Variants in SYN3 observed in about 807,000 individuals in gnomAD.
SYN3 encodes the protein synapsin-3.
In SYN3, 35 loss-of-function variants were observed where a neutral mutation model predicts 65.8. The observed-to-expected ratio is 0.53, with a 90% CI of 0.41 to 0.70. The LOEUF is 0.70. Ranked by LOEUF, SYN3 falls within the 30% of genes least tolerant of loss-of-function variation. SYN3 has a pLI of 0.00. For synonymous variants in SYN3, 270 were observed against 292.9 expected, an observed-to-expected ratio of 0.92 and a Z score of 0.80; for missense variants, 680 against 749.0, an observed-to-expected ratio of 0.91 and a Z score of 1.08.
At chr22:32,544,874 C>G (rs2058313530) in intron 7 of SYN3, among the ~76,000 whole-genome samples, 1 of 152,192 alleles carries the variant, frequency 6.6e-6, no homozygotes, top group Non-Finnish European at 1.5e-5. Flanking sequence ...GCCCTGAGCA[C>G]AGAGTGGGCT....
chr22:32,607,558 C>T (rs1168884631), intron 6 of SYN3, among the ~76,000 whole-genome samples: 1 of 152,102 alleles, frequency 6.6e-6, no homozygotes, highest in Non-Finnish European at 1.5e-5. Flanking sequence ...AGCTCTCTGG[C>T]CTTCTAATCC....
chr22:32,751,045 T>A (rs1027218566), intron 6 of SYN3, among the ~76,000 whole-genome samples: 1 of 151,658 alleles, frequency 6.6e-6, no homozygotes, highest in African/African-American at 2.4e-5. Flanking sequence ...GGAATGAAGG[T>A]GTGTGTGCAG....
At chr22:32,524,590 A>G (rs962134924) in intron 12 of SYN3, among the ~76,000 whole-genome samples, 26 of 152,260 alleles carry the variant, frequency 1.7e-4, no homozygotes, top group African/African-American at 6.0e-4. Context: ...TTGACAATGC[A>G]TCTATCCACA....
chr22:32,887,702 C>T (rs538476488), intron 4 of SYN3, among the ~76,000 whole-genome samples: 6 of 152,322 alleles, frequency 3.9e-5, no homozygotes, highest in East Asian at 1.9e-4. Context: ...CTTTTATCCC[C>T]AAGAAGCATT....
At chr22:32,656,170 C>T (rs1484987900) in intron 6 of SYN3, among the ~76,000 whole-genome samples, 1 of 152,210 alleles carries the variant, frequency 6.6e-6, no homozygotes, top group Non-Finnish European at 1.5e-5. Context: ...GTATATCCTT[C>T]CATTCTGCAA....
chr22:32,664,584 CTTTTTTTT>C (rs71320943), intron 6 of SYN3, among the ~76,000 whole-genome samples: 11,074 of 68,984 alleles, frequency 0.16, 816 homozygotes, highest in East Asian at 0.6. Context: ...CAATTGGTCG[CTTTTTTTT>C]TTTTTTTTTT....
chr22:32,672,757 G>A (rs1203798301), intron 6 of SYN3, among the ~76,000 whole-genome samples: 1 of 152,206 alleles, frequency 6.6e-6, no homozygotes, highest in African/African-American at 2.4e-5. Flanking sequence ...AGCTGGGGTG[G>A]TTCCCACATT....
chr22:32,756,081 G>T (rs2045280894), intron 6 of SYN3, among the ~76,000 whole-genome samples: 3 of 151,646 alleles, frequency 2.0e-5, no homozygotes, highest in Admixed American at 2.0e-4. Context: ...GGGTTGGGGG[G>T]CTTGGGGAGG....
At chr22:32,694,162 T>G (rs1299649740) in intron 6 of SYN3, among the ~76,000 whole-genome samples, 1 of 152,206 alleles carries the variant, frequency 6.6e-6, no homozygotes, top group Non-Finnish European at 1.5e-5. Context: ...ATTCTTGAAC[T>G]GGTTACCATT....
intron 4 of SYN3, among the ~76,000 whole-genome samples, chr22:32,873,542 C>T (rs2048907139): frequency 6.6e-6 from 1 of 152,098 alleles, no homozygotes; most frequent in Admixed American, 6.6e-5. Flanking sequence ...ACCCAGAACT[C>T]CTCCTTTTTC....
At chr22:32,789,130 T>C (rs1437449913) in intron 6 of SYN3, among the ~76,000 whole-genome samples, 1 of 152,238 alleles carries the variant, frequency 6.6e-6, no homozygotes, top group African/African-American at 2.4e-5. Flanking sequence ...TTTTAATTAC[T>C]GGGCATTGCA....
intron 6 of SYN3, among the ~76,000 whole-genome samples, chr22:32,602,327 G>C (rs1056061852): frequency 6.6e-6 from 1 of 152,132 alleles, no homozygotes; most frequent in Non-Finnish European, 1.5e-5. Flanking sequence ...ACGTATGCAC[G>C]GATATGGCTG....
chr22:32,957,357 C>G (rs1460933029), intron 3 of SYN3, among the ~76,000 whole-genome samples: 1 of 152,142 alleles, frequency 6.6e-6, no homozygotes, highest in Non-Finnish European at 1.5e-5. Flanking sequence ...GAGGCCTGGC[C>G]GGACTTGTGC....
intron 3 of SYN3, among the ~76,000 whole-genome samples, chr22:32,949,583 G>A (rs575119098): frequency 3.9e-5 from 6 of 152,174 alleles, no homozygotes; most frequent in African/African-American, 1.2e-4. Flanking sequence ...CAGGAATAGA[G>A]ATGGAATGCA....
chr22:32,835,452 C>G (rs2047703891), intron 6 of SYN3, among the ~76,000 whole-genome samples: 1 of 152,048 alleles, frequency 6.6e-6, no homozygotes, highest in Non-Finnish European at 1.5e-5. Context: ...AACAGGGGTT[C>G]TGTTCTAGTC....
chr22:32,885,161 CAAA>C (rs5845046), intron 4 of SYN3, among the ~76,000 whole-genome samples: 6 of 143,630 alleles, frequency 4.2e-5, no homozygotes, highest in African/African-American at 7.6e-5. Flanking sequence ...GAGTTGGGTG[CAAA>C]AAAAAAAAAG....
At chr22:33,032,730 T>C (rs1404208258) in intron 1 of SYN3, among the ~76,000 whole-genome samples, 2 of 152,108 alleles carry the variant, frequency 1.3e-5, no homozygotes, top group Non-Finnish European at 2.9e-5. Flanking sequence ...CCTTTAAGCC[T>C]TTAGACAAAG....
Position 32,857,305 on chromosome 22 carries a change from C to A in SYN3, c.711+7610G>T, listed in dbSNP as rs11547635. 2.5e-6 allele frequency: 4 copies of A among 1,613,786 alleles called. No individual in the cohort carries two copies. The highest frequency in any genetic ancestry group is 3.4e-6 in the Non-Finnish European group (4 of 1,179,910). On this transcript the variant is annotated intron_variant, in intron 6 of 13. Transcript: ENST00000358763. ...TGCAGTACATCCATACGGAAGCTTC[C>A]GAGAGTCTCTGTGGCCTTAAGCTGG...
intron 6 of SYN3, among the ~76,000 whole-genome samples, chr22:32,794,542 G>T (rs1302230771): frequency 6.6e-6 from 1 of 152,194 alleles, no homozygotes; most frequent in African/African-American, 2.4e-5. Flanking sequence ...CCATTCATTG[G>T]TTAGTTTATT....
Sources: gnomAD v4.1 joint callset for allele counts (sites outside exome capture counted in the v4.1 genomes callset) on GRCh38, gnomAD v4.1.1 for gene constraint, MANE v1.5 for transcripts, NCBI Gene and HGNC (gene_info 2026-07-23, HGNC 2026-07-21) for gene names.